Variants in GRAP2 observed in about 807,000 individuals in gnomAD.
GRAP2 encodes the protein GRB2-related adapter protein 2.
In GRAP2, 31 loss-of-function variants were observed where a neutral mutation model predicts 43.5. The ratio of observed to expected loss-of-function variants is 0.71; its 90% confidence interval spans 0.54 to 0.96. GRAP2 has a LOEUF of 0.96. Ranked by LOEUF, GRAP2 falls within the 40% of genes least tolerant of loss-of-function variation. The pLI, the probability that GRAP2 is intolerant of heterozygous loss-of-function variation, is 0.00. For synonymous variants in GRAP2, 156 were observed against 164.8 expected, an observed-to-expected ratio of 0.95 and a Z score of 0.41; for missense variants, 371 against 424.4, an observed-to-expected ratio of 0.87 and a Z score of 1.11.
At chr22:39,905,422 A>T (rs2066516865) in intron 1 of GRAP2, among the ~76,000 whole-genome samples, 1 of 152,178 alleles carries the variant, frequency 6.6e-6, no homozygotes, top group Non-Finnish European at 1.5e-5. Context: ...TGTGGAGCCA[A>T]GACAGCCTCG....
chr22:39,916,189 C>T (rs184774307), intron 1 of GRAP2, among the ~76,000 whole-genome samples: 1 of 152,376 alleles, frequency 6.6e-6, no homozygotes, highest in East Asian at 1.9e-4. Context: ...TTGACTGTGA[C>T]CTGCTGAAGG....
chr22:39,895,827 G>A, the GRAP2 span, among the ~76,000 whole-genome samples: 65 of 152,328 alleles, frequency 4.3e-4, 1 homozygote, highest in South Asian at 4.4e-3. Context: ...ACAATGTTAC[G>A]GGAGTGAAAG....
chr22:39,968,508 C>T (rs541613160), intron 6 of GRAP2: 546 of 554,924 alleles, frequency 9.8e-4, no homozygotes, highest in Non-Finnish European at 1.4e-3. Context: ...CACACTTAAA[C>T]TCACACACAC....
intron 1 of GRAP2, among the ~76,000 whole-genome samples, chr22:39,939,435 G>A (rs1447499343): frequency 1.3e-5 from 2 of 151,684 alleles, no homozygotes; most frequent in East Asian, 1.9e-4. Context: ...GGTGGCAGGC[G>A]CCTGTAGTCC....
At chr22:39,902,993 T>C (rs560672468) in intron 1 of GRAP2, among the ~76,000 whole-genome samples, 1 of 152,344 alleles carries the variant, frequency 6.6e-6, no homozygotes, top group Non-Finnish European at 1.5e-5. Flanking sequence ...CTAGAAGAGC[T>C]GAAAATGATC....
chr22:39,925,647 C>T (rs1249833753), intron 1 of GRAP2, among the ~76,000 whole-genome samples: 4 of 152,220 alleles, frequency 2.6e-5, no homozygotes, highest in Non-Finnish European at 5.9e-5. Flanking sequence ...AGTCCAAATT[C>T]TGCTTTGAGG....
chr22:39,930,869 C>G (rs1407395038), intron 1 of GRAP2, among the ~76,000 whole-genome samples: 2 of 152,176 alleles, frequency 1.3e-5, no homozygotes, highest in Non-Finnish European at 2.9e-5. Context: ...GCTCTCTACT[C>G]TGCCTAGCTA....
chr22:39,962,094 G>A (rs1297667095), intron 4 of GRAP2, among the ~76,000 whole-genome samples: 1 of 152,164 alleles, frequency 6.6e-6, no homozygotes, highest in Non-Finnish European at 1.5e-5. Flanking sequence ...ATCTTGTTAG[G>A]TCTTAATTAA....
intron 1 of GRAP2, among the ~76,000 whole-genome samples, chr22:39,946,176 A>C (rs1415173989): frequency 6.6e-6 from 1 of 152,180 alleles, no homozygotes; most frequent in African/African-American, 2.4e-5. Flanking sequence ...CTATAATTTG[A>C]TTTAACCTTG....
intron 1 of GRAP2, among the ~76,000 whole-genome samples, chr22:39,930,237 T>G (rs2066743718): frequency 6.6e-6 from 1 of 152,202 alleles, no homozygotes; most frequent in Non-Finnish European, 1.5e-5. Context: ...CTAGACTCTT[T>G]TCTGTCTTTT....
chr22:39,922,625 T>G (rs1471825362), intron 1 of GRAP2, among the ~76,000 whole-genome samples: 1 of 151,610 alleles, frequency 6.6e-6, no homozygotes, highest in African/African-American at 2.4e-5. Flanking sequence ...CTGGAAGCAA[T>G]GAGGAGGGGA....
In GRAP2 at chr22:39,969,401, A is replaced by G; in HGVS notation, c.691-10A>G. On this transcript the variant is annotated splice_polypyrimidine_tract_variant and intron_variant, in intron 6 of 7. Coordinates refer to ENST00000344138, the MANE Select transcript of GRAP2 (RefSeq NM_004810.4). ...AGTGGGGTGACCAGTCTTCTGTTGT[A>G]TGTTTCTAGGAACGCCGAGGAGGCA... The G allele has an allele frequency of 6.2e-7, 1 of 1,613,430 alleles. No homozygotes were observed. Among genetic ancestry groups the G allele is most frequent in the Non-Finnish European group, 8.5e-7 (1 of 1,179,608 alleles).
chr22:39,940,089 A>G (rs1187044551), intron 1 of GRAP2, among the ~76,000 whole-genome samples: 1 of 152,188 alleles, frequency 6.6e-6, no homozygotes, highest in African/African-American at 2.4e-5. Flanking sequence ...ATCTCCAGAG[A>G]AAACCAGAAG....
At chr22:39,964,336 C>A in intron 4 of GRAP2, 2 of 699,500 alleles carry the variant, frequency 2.9e-6, no homozygotes, top group South Asian at 3.0e-5. Flanking sequence ...AAGAAGTTAT[C>A]GTCCAGTGGC....
At chr22:39,922,329 C>T (rs557045218) in intron 1 of GRAP2, among the ~76,000 whole-genome samples, 3 of 152,280 alleles carry the variant, frequency 2.0e-5, no homozygotes, top group Admixed American at 2.0e-4. Context: ...GTAACATTTG[C>T]ACCATATTAA....
intron 2 of GRAP2, among the ~76,000 whole-genome samples, chr22:39,953,483 C>T (rs137994): frequency 0.82 from 124,451 of 152,132 alleles, 51,657 homozygotes; most frequent in African/African-American, 0.9. Context: ...TCCTCACCTC[C>T]TCTTAGCCTA....
intron 1 of GRAP2, among the ~76,000 whole-genome samples, chr22:39,939,155 T>C (rs1269876101): frequency 6.6e-6 from 1 of 152,202 alleles, no homozygotes; most frequent in Non-Finnish European, 1.5e-5. Context: ...GTCTTTGCTA[T>C]CTTTGGATGC....
chr22:39,940,951 G>T (rs553851829), intron 1 of GRAP2, among the ~76,000 whole-genome samples: 1 of 152,326 alleles, frequency 6.6e-6, no homozygotes, highest in East Asian at 1.9e-4. Flanking sequence ...GGAATTGATG[G>T]TTTGGGGTGC....
intron 1 of GRAP2, among the ~76,000 whole-genome samples, chr22:39,904,031 G>A (rs989019253): frequency 1.3e-5 from 2 of 152,086 alleles, no homozygotes; most frequent in South Asian, 2.1e-4. Flanking sequence ...AAACTATCAC[G>A]AAGTGCATGA....
Sources: gnomAD v4.1 joint callset for allele counts (sites outside exome capture counted in the v4.1 genomes callset) on GRCh38, gnomAD v4.1.1 for gene constraint, MANE v1.5 for transcripts, NCBI Gene and HGNC (gene_info 2026-07-23, HGNC 2026-07-21) for gene names.